The following PLA2G4E variants were observed in gnomAD, a reference collection of about 807,000 sequenced individuals.
The protein encoded by PLA2G4E is phospholipase A2 group IVE, also known as cytosolic phospholipase A2 epsilon.
PLA2G4E carries 84 observed loss-of-function variants against 109.1 expected under a neutral mutation model. The ratio of observed to expected loss-of-function variants is 0.77; its 90% CI spans 0.65 to 0.92. PLA2G4E has a LOEUF of 0.92. Ranked by LOEUF, PLA2G4E falls within the 40% of genes least tolerant of loss-of-function variation. The pLI, the probability that PLA2G4E is intolerant of heterozygous loss-of-function variation, is 0.00. For synonymous variants in PLA2G4E, 469 were observed against 436.1 expected, an observed-to-expected ratio of 1.08 and a Z score of -0.94; for missense variants, 1,057 against 1,076.6, an observed-to-expected ratio of 0.98 and a Z score of 0.25.
intron 13 of PLA2G4E, 109 bp downstream of exon 13, chr15:41,992,628 G>T (rs546484596): frequency 6.5e-6 from 7 of 1,070,966 alleles, no homozygotes; most frequent in African/African-American, 6.4e-5. Flanking sequence ...ACTCCCGCAG[G>T]TCTAACCTAA....
At chr15:42,030,937 T>C (rs1256806878) in intron 1 of PLA2G4E, among the ~76,000 whole-genome samples, 1 of 152,244 alleles carries the variant, frequency 6.6e-6, no homozygotes, top group Non-Finnish European at 1.5e-5. Flanking sequence ...AATTTGTTTA[T>C]CCATTCATCA....
intron 2 of PLA2G4E, 126 bp from the exon 3 acceptor site, chr15:42,007,991 T>C: frequency 9.4e-7 from 1 of 1,068,356 alleles, no homozygotes; most frequent in Non-Finnish European, 1.3e-6. Context: ...TCCTCATTCA[T>C]GGGTCTAACT....
chr15:42,037,305 A>G (rs1472808917), intron 1 of PLA2G4E, among the ~76,000 whole-genome samples: 1 of 152,200 alleles, frequency 6.6e-6, no homozygotes, highest in Admixed American at 6.5e-5. Context: ...ATGGCTGCCC[A>G]CGGACCAATG....
At chr15:42,008,687 G>A (rs1050667365) in intron 2 of PLA2G4E, among the ~76,000 whole-genome samples, 37 of 152,206 alleles carry the variant, frequency 2.4e-4, no homozygotes, top group African/African-American at 8.7e-4. Flanking sequence ...AGCCCAGACT[G>A]GCTCCCTGCT....
At chr15:42,036,578 C>G (rs1280206279) in intron 1 of PLA2G4E, among the ~76,000 whole-genome samples, 1 of 152,094 alleles carries the variant, frequency 6.6e-6, no homozygotes, top group Non-Finnish European at 1.5e-5. Context: ...GACCGCCTAG[C>G]CTGACACTCC....
intron 1 of PLA2G4E, among the ~76,000 whole-genome samples, 117 bp downstream of exon 1, chr15:42,020,818 C>A (rs987696591): frequency 6.6e-6 from 1 of 152,178 alleles, no homozygotes; most frequent in Non-Finnish European, 1.5e-5. Context: ...CAATGCCTAC[C>A]AGCCCTCCCT....
At chr15:42,049,815 A>G (rs1306303773) in intron 1 of PLA2G4E, among the ~76,000 whole-genome samples, 1 of 152,058 alleles carries the variant, frequency 6.6e-6, no homozygotes, top group Non-Finnish European at 1.5e-5. Flanking sequence ...GAATGCTGTC[A>G]CCTCCCCAAA....
chr15:41,988,158 T>A lies in PLA2G4E; in HGVS notation c.1724-2A>T. 6.3e-7 allele frequency: 1 copy of A among 1,588,540 alleles called. No individual in the cohort carries two copies. The highest frequency in any genetic ancestry group is 8.6e-7 in the Non-Finnish European group (1 of 1,166,334). ...GGGAGAAGATGCTGCTCCACAGGCC[T>A]GGGAGCCAGGGCCAGCGTGAGCAGC... On this transcript the variant is annotated splice_acceptor_variant, in intron 15 of 19. Transcript: ENST00000399518. LOFTEE classifies it high-confidence loss of function.
At chr15:42,005,055 G>A in intron 4 of PLA2G4E, 77 bp from the exon 5 acceptor site, 1 of 1,560,930 alleles carries the variant, frequency 6.4e-7, no homozygotes, top group Non-Finnish European at 8.7e-7. Context: ...TGCCACCCTG[G>A]GAGCCGCTGT....
intron 1 of PLA2G4E, among the ~76,000 whole-genome samples, chr15:42,032,958 TGTGTGTGAGTGTGTGAGAA>T (rs1889140151): frequency 6.6e-6 from 1 of 152,018 alleles, no homozygotes; most frequent in South Asian, 2.1e-4. Flanking sequence ...CCACTGCATG[TGTGTGTGAGTGTGTGAGAA>T]GTGTGTGAGT....
Position 42,041,457 on chromosome 15 carries a change from C to T in PLA2G4E, c.183+9064G>A, listed in dbSNP as rs76262804. Among the ~76,000 whole-genome samples the T allele has an allele frequency of 9.3e-3, 1,413 of 152,214 alleles. 22 individuals carry two copies. The highest frequency in any genetic ancestry group is 0.032 in the African/African-American group (1,330 of 41,510). On this transcript the variant is annotated intron_variant, in intron 1 of 19. Coordinates refer to ENST00000399518, the Ensembl canonical transcript of PLA2G4E. ...TCCTCCCTTACGAATCCAGTTGCAT[C>T]CATAAATTTACATAGGAGCAGACGA...
At chr15:42,011,095 G>A (rs1325496659) in intron 2 of PLA2G4E, among the ~76,000 whole-genome samples, 4 of 152,250 alleles carry the variant, frequency 2.6e-5, no homozygotes, top group Non-Finnish European at 5.9e-5. Flanking sequence ...TTGGCACCCC[G>A]AGATGCCACA....
At chr15:41,999,636 C>G in intron 9 of PLA2G4E, 75 bp from the exon 10 acceptor site, 4 of 1,555,326 alleles carry the variant, frequency 2.6e-6, no homozygotes, top group Middle Eastern at 1.7e-4. Context: ...ACACTGTCCA[C>G]CCAGACCCCA....
At chr15:41,985,924 T>G in exon 18 of PLA2G4E, 3 of 1,607,588 alleles carry the variant, frequency 1.9e-6, no homozygotes, top group Non-Finnish European at 2.5e-6. Context: ...GTAGCTGGAG[T>G]TGACAAAGAA....
intron 2 of PLA2G4E, among the ~76,000 whole-genome samples, chr15:42,008,794 A>G (rs906012426): frequency 6.6e-6 from 1 of 152,176 alleles, no homozygotes; most frequent in Non-Finnish European, 1.5e-5. Flanking sequence ...CACACCAGAT[A>G]CATAGGAAAT....
intron 11 of PLA2G4E, among the ~76,000 whole-genome samples, chr15:41,996,192 A>T (rs1273256477): frequency 6.6e-6 from 1 of 151,908 alleles, no homozygotes; most frequent in Non-Finnish European, 1.5e-5. Flanking sequence ...ACAAAAAAAT[A>T]CAAAAATTAG....
intron 1 of PLA2G4E, among the ~76,000 whole-genome samples, chr15:42,040,145 G>A (rs1055782653): frequency 2.6e-5 from 4 of 151,916 alleles, no homozygotes; most frequent in Non-Finnish European, 5.9e-5. Flanking sequence ...AGACCAGTTT[G>A]GGTAACATAG....
chr15:41,996,064 G>A (rs1241768587), intron 11 of PLA2G4E, among the ~76,000 whole-genome samples: 1 of 152,100 alleles, frequency 6.6e-6, no homozygotes, highest in African/African-American at 2.4e-5. Context: ...CCTAAAGATA[G>A]GGCCAGGTAC....
chr15:42,012,828 G>A (rs988514405), intron 2 of PLA2G4E, among the ~76,000 whole-genome samples: 9 of 152,198 alleles, frequency 5.9e-5, no homozygotes, highest in African/African-American at 9.7e-5. Flanking sequence ...TCCCTGTGGC[G>A]CTTGAGTCAT....
Sources: allele counts gnomAD v4.1 joint callset (sites outside exome capture counted in the v4.1 genomes callset), GRCh38; gene constraint gnomAD v4.1.1; transcripts MANE v1.5; gene names NCBI Gene and HGNC (gene_info 2026-07-23, HGNC 2026-07-21).